Variants in PPM1L observed in about 807,000 individuals in gnomAD.
The protein encoded by PPM1L is protein phosphatase, Mg2+/Mn2+ dependent 1L.
Under a neutral mutation model 31.4 loss-of-function variants are expected in PPM1L, and 13 were observed. That is an observed-to-expected ratio of 0.41 (90% CI 0.27 to 0.66). The LOEUF is 0.66. Ranked by LOEUF, PPM1L falls within the 30% of genes least tolerant of loss-of-function variation. PPM1L has a pLI of 0.29. For missense variants in PPM1L, 326 were observed against 453.7 expected, an observed-to-expected ratio of 0.72 and a Z score of 2.56; for synonymous variants, 184 against 175.4, an observed-to-expected ratio of 1.05 and a Z score of -0.39.
At chr3:160,982,781 A>G (rs115294212) in intron 2 of PPM1L, among the ~76,000 whole-genome samples, 3,416 of 152,188 alleles carry the variant, frequency 0.022, 138 homozygotes, top group African/African-American at 0.077. Flanking sequence ...TTTTCACCAA[A>G]TCTCCACCTC....
At chr3:160,833,567 A>G (rs1249954383) in intron 1 of PPM1L, among the ~76,000 whole-genome samples, 4 of 152,240 alleles carry the variant, frequency 2.6e-5, no homozygotes, top group Middle Eastern at 3.4e-3. Flanking sequence ...TATTGGCTGC[A>G]TAAATGTCTT....
At chr3:160,989,139 A>G (rs1457838491) in intron 2 of PPM1L, among the ~76,000 whole-genome samples, 1 of 149,580 alleles carries the variant, frequency 6.7e-6, no homozygotes, top group Admixed American at 6.6e-5. Flanking sequence ...TCAGTGCTTC[A>G]TGCTAAAGCC....
At chr3:161,035,361 G>A (rs1214464438) in intron 2 of PPM1L, among the ~76,000 whole-genome samples, 1 of 152,194 alleles carries the variant, frequency 6.6e-6, no homozygotes, top group East Asian at 1.9e-4. Context: ...CTGTTTCATG[G>A]TTTGTGTTGC....
chr3:160,881,895 C>CA (rs1454319212), intron 1 of PPM1L, among the ~76,000 whole-genome samples: 1 of 151,984 alleles, frequency 6.6e-6, no homozygotes, highest in Non-Finnish European at 1.5e-5. Context: ...ACTAAAAATA[C>CA]AAAAAATTAG....
intron 1 of PPM1L, among the ~76,000 whole-genome samples, chr3:160,825,688 A>G (rs770863126): frequency 6.6e-6 from 1 of 152,170 alleles, no homozygotes; most frequent in African/African-American, 2.4e-5. Context: ...GATAAGAAGA[A>G]AGATAAGAAT....
chr3:160,868,056 G>T (rs887076839), intron 1 of PPM1L, among the ~76,000 whole-genome samples: 6 of 152,186 alleles, frequency 3.9e-5, no homozygotes, highest in African/African-American at 9.6e-5. Flanking sequence ...AAGTTGAGAA[G>T]TATTATATAA....
At position 161,037,412 on chromosome 3, in the gene PPM1L, CT is replaced by C. The variant is rs59883046; in HGVS notation, c.575-27972del. On this transcript the variant is annotated intron_variant, in intron 2 of 3. Transcript: ENST00000498165. ...GGGAATGTACCCTCCCCTACTTGAG[CT>C]TTTTTTTTTTTTTTTTTTGAGATGG... Among the ~76,000 whole-genome samples, 115 of 99,470 alleles carry C rather than the reference CT, an allele frequency of 1.2e-3. 1 individual carries two copies. Among genetic ancestry groups the C allele is most frequent in the Non-Finnish European group, 1.7e-3 (87 of 52,700 alleles). The allele number at this position is 99,470 out of a possible 152,430, so 65.3% of individuals were successfully genotyped here. A position where few individuals can be genotyped will look rare whatever the true frequency, so the allele number is the denominator to read the frequency against.
At chr3:161,001,357 C>T (rs1259260322) in intron 2 of PPM1L, among the ~76,000 whole-genome samples, 1 of 152,132 alleles carries the variant, frequency 6.6e-6, no homozygotes, top group Non-Finnish European at 1.5e-5. Context: ...TCTCTACTTA[C>T]TGCAACCTCC....
At chr3:160,847,186 A>G (rs777902877) in intron 1 of PPM1L, among the ~76,000 whole-genome samples, 4 of 152,146 alleles carry the variant, frequency 2.6e-5, no homozygotes, top group African/African-American at 4.8e-5. Flanking sequence ...TGATTCTCAC[A>G]GCCAAAAGTC....
At chr3:161,035,662 A>G (rs904848650) in intron 2 of PPM1L, among the ~76,000 whole-genome samples, 9 of 152,248 alleles carry the variant, frequency 5.9e-5, no homozygotes, top group Non-Finnish European at 1.3e-4. Flanking sequence ...CCAACTAAAT[A>G]AAATCAGGTC....
At chr3:161,026,218 G>T (rs16831760) in intron 2 of PPM1L, among the ~76,000 whole-genome samples, 9,961 of 152,214 alleles carry the variant, frequency 0.065, 372 homozygotes, top group African/African-American at 0.095. Flanking sequence ...CCTTAAGGGG[G>T]TACTCACTGG....
At position 160,944,991 on chromosome 3, in the gene PPM1L, A is replaced by ATGT. The variant is rs1553748290; in HGVS notation, c.400-16744_400-16743insGTT. ...TATATTATATATAACTATATATAACATATATATAACTATATATAACATATA... is the reference window on the plus strand; with the variant it reads ...TATATTATATATAACTATATATAACATGTTATATATAACTATATATAACATATA... On this transcript the variant is annotated intron_variant, in intron 1 of 3. Transcript: ENST00000498165. Among the ~76,000 whole-genome samples, 5 of 23,560 alleles carry ATGT rather than the reference A, an allele frequency of 2.1e-4. 1 individual carries two copies. The highest frequency in any genetic ancestry group is 1.0e-3 in the East Asian group (2 of 1,912). 15.5% of individuals were successfully genotyped at this position (23,560 alleles called of 152,430 possible).
intron 1 of PPM1L, among the ~76,000 whole-genome samples, chr3:160,764,456 TCTCC>T (rs200325885): frequency 1.5e-4 from 19 of 124,192 alleles, no homozygotes; most frequent in African/African-American, 7.7e-4. Flanking sequence ...TTATTTTAAT[TCTCC>T]CTCTCTCTCT....
intron 2 of PPM1L, among the ~76,000 whole-genome samples, chr3:161,051,120 TCTC>T (rs1719262178): frequency 6.6e-6 from 1 of 152,068 alleles, no homozygotes; most frequent in Non-Finnish European, 1.5e-5. Context: ...CCACCCGCCA[TCTC>T]CTCAGACTGA....
chr3:160,828,828 C>T (rs1255393823), intron 1 of PPM1L, among the ~76,000 whole-genome samples: 2 of 152,094 alleles, frequency 1.3e-5, no homozygotes, highest in Non-Finnish European at 1.5e-5. Context: ...CAAAACACCC[C>T]AAACACCCTT....
intron 1 of PPM1L, among the ~76,000 whole-genome samples, chr3:160,821,014 T>G (rs1713184926): frequency 6.6e-6 from 1 of 152,122 alleles, no homozygotes. Flanking sequence ...CCATTTGTAG[T>G]GCAAGATAGA....
chr3:160,762,066 G>T (rs1560100529), intron 1 of PPM1L, among the ~76,000 whole-genome samples: 1 of 152,116 alleles, frequency 6.6e-6, no homozygotes, highest in Non-Finnish European at 1.5e-5. Context: ...TGTATTATAT[G>T]TATTTATGTA....
intron 2 of PPM1L, among the ~76,000 whole-genome samples, chr3:161,025,125 T>G (rs1718341480): frequency 6.6e-6 from 1 of 152,170 alleles, no homozygotes; most frequent in Non-Finnish European, 1.5e-5. Flanking sequence ...ATTCCAGAAG[T>G]CTCTTATGTA....
intron 1 of PPM1L, among the ~76,000 whole-genome samples, chr3:160,765,291 A>C (rs993265587): frequency 6.6e-6 from 1 of 152,158 alleles, no homozygotes; most frequent in Admixed American, 6.5e-5. Context: ...AGCCTGTTCC[A>C]TCAGTTTTTG....
Sources: gnomAD v4.1 joint callset for allele counts (sites outside exome capture counted in the v4.1 genomes callset) on GRCh38, gnomAD v4.1.1 for gene constraint, MANE v1.5 for transcripts, NCBI Gene and HGNC (gene_info 2026-07-23, HGNC 2026-07-21) for gene names.